ITPR2: variants seen among roughly 807,000 people sequenced by gnomAD.
ITPR2 encodes the protein inositol 1,4,5-trisphosphate receptor type 2, also known as inositol 1,4,5-trisphosphate-gated calcium channel ITPR2.
In ITPR2, 207 loss-of-function variants were observed where a neutral mutation model predicts 317.1. The observed-to-expected ratio is 0.65, with a 90% confidence interval of 0.58 to 0.73. The LOEUF (loss-of-function observed/expected upper bound fraction) is 0.73, where lower values mean the gene tolerates loss of function less well. ITPR2 is among the 30% of genes least tolerant of loss of function. ITPR2 has a pLI of 0.00. For synonymous variants in ITPR2, 1,156 were observed against 1,149.1 expected (o/e 1.01, Z -0.12); for missense variants, 2,613 against 3,284.0 (o/e 0.80, Z 4.99).
At chr12:26,710,156 C>T (rs1948621735) in intron 9 of ITPR2, among the ~76,000 whole-genome samples, 1 of 152,146 alleles carries the variant, frequency 6.6e-6, no homozygotes, top group Non-Finnish European at 1.5e-5. Context: ...ATTGCTTGAA[C>T]CTGGGAGGCA....
intron 11 of ITPR2, among the ~76,000 whole-genome samples, chr12:26,684,961 C>T (rs1948098810): frequency 6.6e-6 from 1 of 152,014 alleles, no homozygotes; most frequent in Non-Finnish European, 1.5e-5. Flanking sequence ...GAGAGATGGA[C>T]TCATATAAGG....
chr12:26,783,674 AC>A (rs1215139969), intron 2 of ITPR2, among the ~76,000 whole-genome samples: 1 of 152,170 alleles, frequency 6.6e-6, no homozygotes, highest in African/African-American at 2.4e-5. Context: ...TAAATTGTAC[AC>A]AAAAAAATAA....
At chr12:26,708,314 C>T (rs182538233) in intron 9 of ITPR2, among the ~76,000 whole-genome samples, 31 of 152,148 alleles carry the variant, frequency 2.0e-4, no homozygotes, top group African/African-American at 6.3e-4. Context: ...TATTACAGCA[C>T]TACACACAAT....
Position 26,348,974 on chromosome 12 carries a change from C to T in ITPR2, c.7858-8646G>A, listed in dbSNP as rs565837745. ...TCCATCTTGGTCAACAGAGCAAGACCTCATCTCTACTAAAAATTAAACAAT... is the reference window on the plus strand; with the variant it reads ...TCCATCTTGGTCAACAGAGCAAGACTTCATCTCTACTAAAAATTAAACAAT... On this transcript the variant is annotated intron_variant, in intron 55 of 56. Coordinates refer to ENST00000381340, the MANE Select transcript of ITPR2 (RefSeq NM_002223.4). Among the ~76,000 whole-genome samples, 11 of 152,112 alleles carry T rather than the reference C, an allele frequency of 7.2e-5. No individual in the cohort carries two copies. In the South Asian group the frequency reaches 1.5e-3, roughly 20 times the overall value.
intron 55 of ITPR2, among the ~76,000 whole-genome samples, chr12:26,371,139 G>C (rs1939176800): frequency 6.6e-6 from 1 of 152,196 alleles, no homozygotes; most frequent in East Asian, 1.9e-4. Context: ...AAATCAGTGT[G>C]CCTGAATGTT....
chr12:26,651,838 G>A (rs1947262563), intron 21 of ITPR2, among the ~76,000 whole-genome samples: 1 of 152,150 alleles, frequency 6.6e-6, no homozygotes, highest in Non-Finnish European at 1.5e-5. Flanking sequence ...GTCGGTGGAG[G>A]AGTGGTATGT....
intron 1 of ITPR2, among the ~76,000 whole-genome samples, chr12:26,818,609 C>G (rs1460375937): frequency 6.6e-6 from 1 of 152,188 alleles, no homozygotes; most frequent in Non-Finnish European, 1.5e-5. Flanking sequence ...AACATTTTCA[C>G]TGACAGTGAA....
Position 26,621,184 on chromosome 12 carries a change from C to T in ITPR2, c.3401G>A (p.Ser1134Asn). Residue 1134 changes from serine to asparagine, a missense_variant, in exon 26 of 57, where the codon AGC becomes AAC. By Grantham distance (46) the Ser-to-Asn change is conservative. Coordinates refer to ENST00000381340, the MANE Select transcript of ITPR2 (RefSeq NM_002223.4). ...EKSELWVEKS[S>N]NYENGEIGES... is the part of the protein sequence containing the mutation. ...CCCTATTTCTCCATTCTCATAGTTG[C>T]TGCTCTTCTCCACCCATAGCTCAGA... is the stretch of plus-strand genomic sequence containing the variant. 1 of 1,613,938 alleles carries T rather than the reference C, an allele frequency of 6.2e-7. No homozygotes were observed. The highest frequency in any genetic ancestry group is 8.5e-7 in the Non-Finnish European group (1 of 1,179,866).
At chr12:26,612,428 T>C (rs1040772610) in intron 26 of ITPR2, among the ~76,000 whole-genome samples, 16 of 152,248 alleles carry the variant, frequency 1.1e-4, no homozygotes, top group African/African-American at 3.9e-4. Flanking sequence ...GTGTGTGTGC[T>C]GCCTGCTACT....
At chr12:26,595,724 T>A in intron 31 of ITPR2, 134 bp from the exon 32 acceptor site, 1 of 731,174 alleles carries the variant, frequency 1.4e-6, no homozygotes, top group Non-Finnish European at 2.1e-6. Context: ...ATCCAGAAAG[T>A]ATTCTCATTT....
intron 13 of ITPR2, among the ~76,000 whole-genome samples, chr12:26,673,553 T>A (rs1456969783): frequency 6.6e-6 from 1 of 151,278 alleles, no homozygotes; most frequent in Non-Finnish European, 1.5e-5. Context: ...CTCAAAATAA[T>A]AAGAGCTATC....
intron 1 of ITPR2, among the ~76,000 whole-genome samples, chr12:26,795,452 G>A (rs1304468711): frequency 6.6e-6 from 1 of 151,512 alleles, no homozygotes; most frequent in Non-Finnish European, 1.5e-5. Flanking sequence ...ATCCACCTAA[G>A]GACAATATAG....
intron 55 of ITPR2, among the ~76,000 whole-genome samples, chr12:26,378,000 C>T (rs1042902629): frequency 2.0e-5 from 3 of 151,980 alleles, no homozygotes; most frequent in Admixed American, 2.0e-4. Flanking sequence ...AAGAACCTGT[C>T]CTCTGTGCTC....
rs141428313 is a variant in ITPR2, at chr12:26,624,776, C to CAAAA, written c.3065-424_3065-421dup. Among the ~76,000 whole-genome samples, 9 of 138,232 alleles carry CAAAA rather than the reference C, an allele frequency of 6.5e-5. No homozygotes were observed. The East Asian group carries it at 1.6e-3, about 25-fold the overall frequency. 90.7% of individuals were successfully genotyped at this position (138,232 alleles called of 152,430 possible). ...TATGGAGAACAGTTTCGAGGTTTCT[C>CAAAA]AAAAAAAAAAAAAAACTAAAAATTG... On this transcript the variant is annotated intron_variant, in intron 23 of 56. Coordinates refer to ENST00000381340, the MANE Select transcript of ITPR2 (RefSeq NM_002223.4).
intron 13 of ITPR2, among the ~76,000 whole-genome samples, chr12:26,668,039 A>T (rs1246781596): frequency 2.6e-5 from 4 of 152,240 alleles, no homozygotes; most frequent in African/African-American, 9.7e-5. Context: ...TTGCACCTCA[A>T]GCATCCCCTT....
chr12:26,661,103 C>T (rs1033664227), intron 15 of ITPR2, among the ~76,000 whole-genome samples: 2 of 151,790 alleles, frequency 1.3e-5, no homozygotes, highest in African/African-American at 4.8e-5. Flanking sequence ...TTAGAACACA[C>T]AACAGAAAGG....
chr12:26,369,280 G>A (rs1194405147), intron 55 of ITPR2, among the ~76,000 whole-genome samples: 3 of 152,242 alleles, frequency 2.0e-5, no homozygotes, highest in Admixed American at 6.5e-5. Context: ...TCTGATTTAT[G>A]TTTTAGATTT....
intron 45 of ITPR2, among the ~76,000 whole-genome samples, chr12:26,443,984 A>C (rs971247728): frequency 1.3e-5 from 2 of 152,198 alleles, no homozygotes; most frequent in African/African-American, 4.8e-5. Context: ...AGTGCAATAA[A>C]TCAGTGAGTG....
Position 26,438,364 on chromosome 12 carries a change from C to A in ITPR2, c.6643+763G>T, listed in dbSNP as rs148881192. On this transcript the variant is annotated intron_variant, in intron 47 of 56. Coordinates refer to ENST00000381340, the MANE Select transcript of ITPR2 (RefSeq NM_002223.4). ...TGCTGAAAACTACCATAATGAAATA[C>A]TGTTGAATAGAAGTATTGAGAACAT... Among the ~76,000 whole-genome samples, 418 of 152,092 alleles carry A rather than the reference C, an allele frequency of 2.7e-3. 1 individual carries two copies. Among genetic ancestry groups the A allele is most frequent in the African/African-American group, 9.6e-3 (397 of 41,446 alleles).
Sources: gnomAD v4.1 joint callset for allele counts (sites outside exome capture counted in the v4.1 genomes callset) on GRCh38, gnomAD v4.1.1 for gene constraint, MANE v1.5 for transcripts, NCBI Gene and HGNC (gene_info 2026-07-23, HGNC 2026-07-21) for gene names.